PSD3: variants seen among roughly 807,000 people sequenced by gnomAD.
The protein encoded by PSD3 is PH and SEC7 domain-containing protein 3.
Under a neutral mutation model 105.5 loss-of-function variants are expected in PSD3, and 49 were observed. The ratio of observed to expected loss-of-function variants is 0.46; its 90% confidence interval spans 0.37 to 0.59. The LOEUF (loss-of-function observed/expected upper bound fraction) is 0.59. Among genes scored for constraint, PSD3 ranks in the 20% least tolerant of loss-of-function variants. The pLI is 0.00. For synonymous variants in PSD3, 557 were observed against 457.8 expected (o/e 1.22, Z -2.77); for missense variants, 1,561 against 1,263.8 (o/e 1.24, Z -3.57).
intron 1 of PSD3, among the ~76,000 whole-genome samples, chr8:18,963,432 T>C (rs766326652): frequency 2.8e-4 from 42 of 152,232 alleles, no homozygotes; most frequent in Non-Finnish European, 3.4e-4. Flanking sequence ...GGACTATGGA[T>C]TCCCACTCAA....
At chr8:18,680,912 T>C (rs1457516347) in intron 9 of PSD3, among the ~76,000 whole-genome samples, 5 of 152,144 alleles carry the variant, frequency 3.3e-5, no homozygotes, top group African/African-American at 4.8e-5. Flanking sequence ...CTTTCCACAG[T>C]CCTTTAACAC....
chr8:18,912,216 T>C (rs1229806778), intron 2 of PSD3, among the ~76,000 whole-genome samples: 1 of 152,192 alleles, frequency 6.6e-6, no homozygotes, highest in Non-Finnish European at 1.5e-5. Flanking sequence ...CAGGGAATAT[T>C]TGTACACCAC....
rs1586600310 is a variant in PSD3, at chr8:18,996,884, A to T, written c.21+16679T>A. Among the ~76,000 whole-genome samples the T allele has an allele frequency of 2.6e-5, 4 of 152,066 alleles. No homozygotes were observed. In the South Asian group the frequency reaches 8.4e-4, roughly 32 times the overall value. Reference sequence around the variant, plus strand: ...TCAGCAATGACATCTCCATTGCTAAATCCCTGGGTCAAATCTCATTTGCCC... The same window carrying T: ...TCAGCAATGACATCTCCATTGCTAATTCCCTGGGTCAAATCTCATTTGCCC... On this transcript the variant is annotated intron_variant, in intron 1 of 15. Transcript: ENST00000327040.
At chr8:18,582,176 A>T (rs78015368) in intron 12 of PSD3, among the ~76,000 whole-genome samples, 1 of 152,272 alleles carries the variant, frequency 6.6e-6, no homozygotes, top group East Asian at 1.9e-4. Context: ...ATCAAACTGG[A>T]AACTTCTGGG....
intron 11 of PSD3, among the ~76,000 whole-genome samples, chr8:18,630,623 T>C (rs1274139721): frequency 1.3e-5 from 2 of 152,126 alleles, no homozygotes; most frequent in East Asian, 1.9e-4. Context: ...ATAGCTGTTA[T>C]ACTTCCCCTT....
rs990316078 is a variant in PSD3, at chr8:18,589,623, A to G, written c.2481+10741T>C. ...TGTTGTTTACAAAGCTGCTCTGGTA[A>G]TATGTAAAATGTTAATGAAAGATAT... On this transcript the variant is annotated intron_variant, in intron 12 of 15. Coordinates refer to ENST00000327040, the MANE Select transcript of PSD3 (RefSeq NM_015310.4). 2.2e-4 allele frequency among the ~76,000 whole-genome samples: 33 copies of G among 152,252 alleles called. 1 individual carries two copies. The highest frequency in any genetic ancestry group is 2.9e-5 in the Non-Finnish European group (2 of 68,044).
rs115858699 is a variant in PSD3, at chr8:18,676,355, G to A, written c.2173-20670C>T. On this transcript the variant is annotated intron_variant, in intron 9 of 15. Transcript: ENST00000327040. Reference sequence around the variant, plus strand: ...TTGGGAGTTAGAGATGACACAACAGGAGTGGGACGCGGCTTCTCCTTCATG... The same window carrying A: ...TTGGGAGTTAGAGATGACACAACAGAAGTGGGACGCGGCTTCTCCTTCATG... Among the ~76,000 whole-genome samples the A allele has an allele frequency of 6.3e-3, 962 of 152,296 alleles. 10 individuals carry two copies. Among genetic ancestry groups the A allele is most frequent in the African/African-American group, 0.022 (925 of 41,564 alleles).
At position 18,960,942 on chromosome 8, in the gene PSD3, C is replaced by T. The variant is rs563203452; in HGVS notation, c.22-24800G>A. On this transcript the variant is annotated intron_variant, in intron 1 of 15. Coordinates refer to ENST00000327040, the MANE Select transcript of PSD3 (RefSeq NM_015310.4). ...TCTACAAAAAAATACAAAAACTAGGCTGTTGTGGCACTGAGCACCTGTATT... is the reference window on the plus strand; with the variant it reads ...TCTACAAAAAAATACAAAAACTAGGTTGTTGTGGCACTGAGCACCTGTATT... 1.1e-4 allele frequency among the ~76,000 whole-genome samples: 16 copies of T among 152,050 alleles called. 1 individual carries two copies. The highest frequency in any genetic ancestry group is 1.0e-3 in the Admixed American group (16 of 15,242).
chr8:18,640,232 A>G (rs940323215), intron 10 of PSD3, among the ~76,000 whole-genome samples: 54 of 152,166 alleles, frequency 3.5e-4, no homozygotes, highest in African/African-American at 1.3e-3. Context: ...ATGGAAACCT[A>G]TGCTGCTAAG....
chr8:18,576,437 G>C (rs751658584), intron 12 of PSD3, among the ~76,000 whole-genome samples: 1 of 151,972 alleles, frequency 6.6e-6, no homozygotes, highest in African/African-American at 2.4e-5. Context: ...GAATAAAGGA[G>C]AATTTAAAAA....
chr8:18,808,547 T>C (rs1048113874), intron 4 of PSD3, among the ~76,000 whole-genome samples: 5 of 152,162 alleles, frequency 3.3e-5, no homozygotes, highest in African/African-American at 1.2e-4. Context: ...ACCAAAACCA[T>C]ATAATTGCAA....
At chr8:18,549,250 C>T (rs1392260565) in intron 15 of PSD3, among the ~76,000 whole-genome samples, 4 of 148,630 alleles carry the variant, frequency 2.7e-5, no homozygotes, top group Middle Eastern at 3.5e-3. Flanking sequence ...GGCATGATCT[C>T]GGCTCACTGC....
At chr8:18,553,251 G>C (rs1052823253) in intron 15 of PSD3, among the ~76,000 whole-genome samples, 2 of 152,194 alleles carry the variant, frequency 1.3e-5, no homozygotes, top group African/African-American at 2.4e-5. Flanking sequence ...CACCATAAGA[G>C]GAGGTGAGAG....
chr8:18,537,353 C>T (rs373150738), intron 15 of PSD3, among the ~76,000 whole-genome samples: 13 of 152,154 alleles, frequency 8.5e-5, no homozygotes, highest in Admixed American at 2.0e-4. Flanking sequence ...TCAAAACCCA[C>T]GGCTCTTAAG....
chr8:18,782,411 G>C (rs1401056211), intron 8 of PSD3, among the ~76,000 whole-genome samples: 1 of 152,104 alleles, frequency 6.6e-6, no homozygotes, highest in Admixed American at 6.5e-5. Flanking sequence ...AAGCAGTGCA[G>C]TCTCCATATG....
intron 9 of PSD3, among the ~76,000 whole-genome samples, chr8:18,708,008 A>T (rs899652770): frequency 6.6e-6 from 1 of 152,220 alleles, no homozygotes; most frequent in South Asian, 2.1e-4. Context: ...GTACCAGGTA[A>T]TAAACCACCT....
Position 18,867,684 on chromosome 8 carries a change from A to G in PSD3, c.1624T>C (p.Phe542Leu). The G allele has an allele frequency of 6.2e-7, 1 of 1,609,516 alleles. No individual in the cohort carries two copies. The highest frequency in any genetic ancestry group is 1.3e-5 in the African/African-American group (1 of 75,006). The change falls in exon 4 of 16, where the codon TTC becomes CTC. Residue 542 changes from phenylalanine to leucine, a missense_variant. Transcript: ENST00000327040. ...IYTKGTPEIA[F>L]WGSNAGVKTT... ...GAATGGGACGAGTACCTTCCCCAGA[A>G]AGCAATCTCCGGGGTGCCTTTCGTG...
chr8:18,737,871 C>A (rs769643839), intron 9 of PSD3, among the ~76,000 whole-genome samples: 2 of 152,142 alleles, frequency 1.3e-5, no homozygotes, highest in Non-Finnish European at 2.9e-5. Context: ...AGCCTGATTT[C>A]CTATTGTTTT....
intron 10 of PSD3, among the ~76,000 whole-genome samples, chr8:18,636,616 A>C (rs1038882464): frequency 6.6e-6 from 1 of 152,214 alleles, no homozygotes; most frequent in Non-Finnish European, 1.5e-5. Flanking sequence ...CCAGTTCTGC[A>C]AACTCCATTC....
Sources: gnomAD v4.1 joint callset for allele counts (sites outside exome capture counted in the v4.1 genomes callset) on GRCh38, gnomAD v4.1.1 for gene constraint, MANE v1.5 for transcripts, NCBI Gene and HGNC (gene_info 2026-07-23, HGNC 2026-07-21) for gene names.